The following TENM2 variants were observed in gnomAD, a reference collection of about 807,000 sequenced individuals.
TENM2 encodes teneurin-2.
A neutral mutation model predicts 245.2 loss-of-function variants in TENM2; 52 were observed. The observed-to-expected ratio is 0.21, with a 90% CI of 0.17 to 0.27. The LOEUF (loss-of-function observed/expected upper bound fraction) is 0.27. Among genes scored for constraint, TENM2 ranks in the 10% least tolerant of loss-of-function variants. The pLI, the probability that TENM2 is intolerant of heterozygous loss-of-function variation, is 1.00. For missense variants in TENM2, 3,046 were observed against 3,666.8 expected (o/e 0.83, Z 4.37); for synonymous variants, 1,363 against 1,438.9 (o/e 0.95, Z 1.19).
chr5:167,282,077 A>G (rs1232470258), upstream of TENM2, among the ~76,000 whole-genome samples: 1 of 152,180 alleles, frequency 6.6e-6, no homozygotes, highest in East Asian at 1.9e-4. Flanking sequence ...AAATAAAAGC[A>G]TACACACGCA....
At chr5:167,746,899 A>G (rs1029607580) in intron 2 of TENM2, among the ~76,000 whole-genome samples, 7 of 152,142 alleles carry the variant, frequency 4.6e-5, no homozygotes, top group African/African-American at 1.7e-4. Flanking sequence ...TGTTTCATTT[A>G]TACATCTCAC....
Position 168,215,005 on chromosome 5 carries a change from C to A in TENM2, c.3846-35C>A, listed in dbSNP as rs1763062947. On this transcript the variant is annotated intron_variant, in intron 20 of 28. Coordinates refer to ENST00000518659, the Ensembl canonical transcript of TENM2. ...ATCTAGGAGGCCAGCTCCATAGCCCCCTCCTCATTTCTCTTTGTGCTTCTT... is the reference window on the plus strand; with the variant it reads ...ATCTAGGAGGCCAGCTCCATAGCCCACTCCTCATTTCTCTTTGTGCTTCTT... The A allele has an allele frequency of 3.1e-6, 5 of 1,588,778 alleles. No homozygotes were observed. The East Asian group carries it at 8.9e-5, about 28-fold the overall frequency.
chr5:167,810,940 T>G (rs1238407392), intron 2 of TENM2, among the ~76,000 whole-genome samples: 1 of 152,152 alleles, frequency 6.6e-6, no homozygotes, highest in Non-Finnish European at 1.5e-5. Flanking sequence ...CTCCTTTGGT[T>G]CCTGAGATTT....
rs76155764 is a variant in TENM2 at position 167,635,633 on chromosome 5, C to CTTTTTTTTTTTTTTTTTTTTTTTTTTT, written c.503-240350_503-240324dup. On this transcript the variant is annotated intron_variant, in intron 2 of 28. Transcript: ENST00000518659. ...GGAATCTGGCTATGATCAGTACAGT[C>CTTTTTTTTTTTTTTTTTTTTTTTTTTT]TTTTTTTTTTTTTTTTTTTTTTTTT... Among the ~76,000 whole-genome samples, 28 of 74,938 alleles carry CTTTTTTTTTTTTTTTTTTTTTTTTTTT rather than the reference C, an allele frequency of 3.7e-4. 3 individuals are homozygous for CTTTTTTTTTTTTTTTTTTTTTTTTTTT. Among genetic ancestry groups the CTTTTTTTTTTTTTTTTTTTTTTTTTTT allele is most frequent in the South Asian group, 6.8e-4 (1 of 1,470 alleles). The allele number at this position is 74,938 out of a possible 152,430, so 49.2% of individuals were successfully genotyped here.
intron 5 of TENM2, among the ~76,000 whole-genome samples, chr5:168,007,467 G>A (rs564205432): frequency 1.3e-5 from 2 of 152,276 alleles, no homozygotes; most frequent in Admixed American, 6.5e-5. Flanking sequence ...GTGTATTGGA[G>A]AGGCTGATGT....
At chr5:168,263,258 A>ACCT (rs1768370765), downstream of TENM2, 1 of 159,388 alleles carries the variant, frequency 6.3e-6, no homozygotes, top group African/African-American at 2.4e-5. Flanking sequence ...ATATCCAATT[A>ACCT]CCTCACTCAT....
At chr5:167,823,149 G>A (rs1397868381) in intron 2 of TENM2, among the ~76,000 whole-genome samples, 1 of 151,984 alleles carries the variant, frequency 6.6e-6, no homozygotes, top group Admixed American at 6.5e-5. Flanking sequence ...CCTTTGGCCT[G>A]TGATGGGAAA....
At chr5:167,720,722 G>T (rs77654821) in intron 2 of TENM2, among the ~76,000 whole-genome samples, 3,068 of 152,302 alleles carry the variant, frequency 0.02, 54 homozygotes, top group South Asian at 0.042. Flanking sequence ...TATACTCGTG[G>T]TTGAATGCGA....
intron 3 of TENM2, among the ~76,000 whole-genome samples, chr5:167,881,391 C>T (rs913225577): frequency 6.6e-6 from 1 of 152,130 alleles, no homozygotes; most frequent in Non-Finnish European, 1.5e-5. Context: ...GCTTTTCTTC[C>T]TCCTCCCAGC....
At chr5:167,598,075 G>T (rs1378204655) in intron 2 of TENM2, among the ~76,000 whole-genome samples, 1 of 152,180 alleles carries the variant, frequency 6.6e-6, no homozygotes, top group Non-Finnish European at 1.5e-5. Context: ...GACCAGTGAA[G>T]CATGAAGGAG....
At chr5:167,908,686 C>T (rs1583336191) in intron 3 of TENM2, among the ~76,000 whole-genome samples, 1 of 145,546 alleles carries the variant, frequency 6.9e-6, no homozygotes, top group African/African-American at 2.6e-5. Flanking sequence ...TTTCTCTCTC[C>T]CTCTCTGTTT....
chr5:167,556,421 CATAT>C (rs4044320), intron 2 of TENM2, among the ~76,000 whole-genome samples: 3 of 146,644 alleles, frequency 2.0e-5, no homozygotes, highest in African/African-American at 2.5e-5. Flanking sequence ...TGTATACTTA[CATAT>C]ATATATATAT....
intron 3 of TENM2, among the ~76,000 whole-genome samples, chr5:167,894,053 A>T (rs1033226326): frequency 1.1e-4 from 16 of 152,218 alleles, no homozygotes; most frequent in African/African-American, 3.9e-4. Flanking sequence ...TTATGCATCT[A>T]CCAAACCTCT....
chr5:167,616,308 T>C (rs1203419173), intron 2 of TENM2, among the ~76,000 whole-genome samples: 2 of 152,158 alleles, frequency 1.3e-5, no homozygotes, highest in Admixed American at 1.3e-4. Context: ...ATAAGAGCAG[T>C]TATTCAGACT....
chr5:167,611,865 C>T (rs1269583334), intron 2 of TENM2, among the ~76,000 whole-genome samples: 1 of 151,914 alleles, frequency 6.6e-6, no homozygotes, highest in Admixed American at 6.6e-5. Flanking sequence ...TGACCTAATC[C>T]CACCTCCCGA....
rs114601210 is a variant in TENM2, at chr5:168,019,045, G to A, written c.1186+25863G>A. 8.8e-3 allele frequency among the ~76,000 whole-genome samples: 1,335 copies of A among 152,270 alleles called. 22 individuals are homozygous for A. The highest frequency in any genetic ancestry group is 0.041 in the Middle Eastern group (12 of 294). On this transcript the variant is annotated intron_variant, in intron 5 of 28. Coordinates refer to ENST00000518659, the Ensembl canonical transcript of TENM2. ...TGGCATTTGATATGTAGCTAGAAGG[G>A]TGCATAGGATTTTGGCAGAAGGGAA... is the stretch of plus-strand genomic sequence containing the variant.
chr5:167,304,262 G>A (rs1468070769), intron 1 of TENM2, among the ~76,000 whole-genome samples: 1 of 152,156 alleles, frequency 6.6e-6, no homozygotes, highest in African/African-American at 2.4e-5. Context: ...ATCATGATTA[G>A]GCACCCACAA....
intron 2 of TENM2, among the ~76,000 whole-genome samples, chr5:167,388,301 G>A (rs757543731): frequency 4.6e-5 from 7 of 152,036 alleles, no homozygotes; most frequent in South Asian, 2.1e-4. Flanking sequence ...TTTATGCATA[G>A]CGTTCATAGT....
At chr5:167,119,322 A>G in the TENM2 span, 1 of 152,232 alleles carries the variant, frequency 6.6e-6, no homozygotes, top group Admixed American at 6.5e-5. Flanking sequence ...AAGGTGAAAG[A>G]AAAAGTTCAG....
Sources: allele counts gnomAD v4.1 joint callset (sites outside exome capture counted in the v4.1 genomes callset), GRCh38; gene constraint gnomAD v4.1.1; transcripts MANE v1.5; gene names NCBI Gene and HGNC (gene_info 2026-07-23, HGNC 2026-07-21).